Variants in MEIS2 observed in about 807,000 individuals in gnomAD.
The protein encoded by MEIS2 is Meis homeobox 2.
Under a neutral mutation model 58.6 loss-of-function variants are expected in MEIS2, and 9 were observed. That is an observed-to-expected ratio of 0.15 (90% CI 0.09 to 0.27). The LOEUF is 0.27. Ranked by LOEUF, MEIS2 falls within the 10% of genes least tolerant of loss-of-function variation. The pLI, the probability that MEIS2 is intolerant of heterozygous loss-of-function variation, is 1.00. For missense variants in MEIS2, 427 were observed against 635.0 expected, an observed-to-expected ratio of 0.67 and a Z score of 3.52; for synonymous variants, 221 against 228.4, an observed-to-expected ratio of 0.97 and a Z score of 0.29.
intron 8 of MEIS2, among the ~76,000 whole-genome samples, chr15:37,014,924 C>A (rs925085291): frequency 1.5e-4 from 23 of 151,354 alleles, no homozygotes; most frequent in Non-Finnish European, 3.1e-4. Flanking sequence ...AAAGGAAACA[C>A]AACTGTACCA....
chr15:37,094,432 C>G (rs1205846524), intron 5 of MEIS2, 95 bp downstream of exon 5: 1 of 1,209,064 alleles, frequency 8.3e-7, no homozygotes, highest in Non-Finnish European at 1.2e-6. Context: ...TCCAGGTGCT[C>G]AATCCCTCAC....
At chr15:37,019,708 G>A (rs895692577) in intron 8 of MEIS2, among the ~76,000 whole-genome samples, 4 of 152,116 alleles carry the variant, frequency 2.6e-5, no homozygotes, top group Admixed American at 6.5e-5. Flanking sequence ...ATGGTGAAAC[G>A]CAGGGCCCAA....
chr15:37,054,066 C>T (rs139291637), intron 7 of MEIS2, among the ~76,000 whole-genome samples: 220 of 152,306 alleles, frequency 1.4e-3, no homozygotes, highest in African/African-American at 4.8e-3. Flanking sequence ...TTACTTATGG[C>T]GTATGATAAT....
intron 4 of MEIS2, among the ~76,000 whole-genome samples, 156 bp downstream of exon 4, chr15:37,095,408 C>G (rs1298737981): frequency 6.6e-6 from 1 of 152,208 alleles, no homozygotes; most frequent in Non-Finnish European, 1.5e-5. Context: ...CGCCAGCTCC[C>G]GTGCGGGGGC....
chr15:37,059,595 A>G (rs973812339), intron 7 of MEIS2, among the ~76,000 whole-genome samples: 1 of 152,120 alleles, frequency 6.6e-6, no homozygotes, highest in Admixed American at 6.5e-5. Flanking sequence ...TTGCAGATAA[A>G]TAAAATTTTC....
At chr15:37,075,380 G>A (rs747394301) in intron 7 of MEIS2, among the ~76,000 whole-genome samples, 12 of 152,108 alleles carry the variant, frequency 7.9e-5, no homozygotes, top group Non-Finnish European at 1.6e-4. Flanking sequence ...AGTTTGAGCT[G>A]ATGGTCCATT....
At chr15:36,953,236 G>A (rs75459621) in intron 8 of MEIS2, among the ~76,000 whole-genome samples, 1 of 152,146 alleles carries the variant, frequency 6.6e-6, no homozygotes, top group Non-Finnish European at 1.5e-5. Context: ...TGTGGAACTA[G>A]AGTATTTCTA....
chr15:36,952,646 T>TGC (rs1555432957), intron 8 of MEIS2, among the ~76,000 whole-genome samples: 1 of 150,088 alleles, frequency 6.7e-6, no homozygotes. Context: ...TGTGTGTGTG[T>TGC]GTGCATGTGT....
chr15:36,944,218 T>G (rs533744853), intron 9 of MEIS2, among the ~76,000 whole-genome samples: 1 of 152,234 alleles, frequency 6.6e-6, no homozygotes, highest in Non-Finnish European at 1.5e-5. Context: ...GAAACCCACT[T>G]AAATTTCAGG....
At chr15:36,922,912 G>C (rs569480269) in intron 9 of MEIS2, among the ~76,000 whole-genome samples, 2 of 151,776 alleles carry the variant, frequency 1.3e-5, no homozygotes, top group South Asian at 2.1e-4. Flanking sequence ...CACCGCTCCC[G>C]GCCAAACATA....
At chr15:36,906,503 G>T (rs1220447101) in intron 9 of MEIS2, among the ~76,000 whole-genome samples, 1 of 152,094 alleles carries the variant, frequency 6.6e-6, no homozygotes, top group East Asian at 1.9e-4. Flanking sequence ...TTTATGTTTA[G>T]TATGTTACGG....
At chr15:37,006,635 T>G (rs1299657240) in intron 8 of MEIS2, among the ~76,000 whole-genome samples, 1 of 151,612 alleles carries the variant, frequency 6.6e-6, no homozygotes, top group Non-Finnish European at 1.5e-5. Flanking sequence ...CCAATGAAAT[T>G]TTTTCCTCAA....
intron 9 of MEIS2, among the ~76,000 whole-genome samples, chr15:36,908,444 C>T (rs2056846965): frequency 6.6e-6 from 1 of 152,088 alleles, no homozygotes; most frequent in South Asian, 2.1e-4. Flanking sequence ...AGACATCAAC[C>T]TTTGATTCTG....
At chr15:37,003,783 A>G (rs1421294244) in intron 8 of MEIS2, among the ~76,000 whole-genome samples, 1 of 152,208 alleles carries the variant, frequency 6.6e-6, no homozygotes, top group Non-Finnish European at 1.5e-5. Context: ...TGATTAGGTC[A>G]TGAGGATGGA....
chr15:37,015,327 C>T (rs2061312168), intron 8 of MEIS2, among the ~76,000 whole-genome samples: 8 of 152,204 alleles, frequency 5.3e-5, no homozygotes, highest in Admixed American at 5.2e-4. Context: ...TGCTGGCCCT[C>T]TAAACCCCTT....
Position 37,095,698 on chromosome 15 carries a change from C to T in MEIS2, c.388-84G>A, listed in dbSNP as rs769340511. 2.7e-4 allele frequency: 433 copies of T among 1,598,748 alleles called. 4 individuals carry two copies. In the South Asian group the frequency reaches 4.1e-3, roughly 15 times the overall value. On this transcript the variant is annotated intron_variant, in intron 3 of 11. Transcript: ENST00000561208. ...ATGTGAGAATGGGTACGGTGGAGGG[C>T]AATGGCGGAGAAGAGGAAAGGGGCT... is the stretch of plus-strand genomic sequence containing the variant.
chr15:36,923,235 G>A (rs1008254187), intron 9 of MEIS2, among the ~76,000 whole-genome samples: 1 of 152,112 alleles, frequency 6.6e-6, no homozygotes, highest in Non-Finnish European at 1.5e-5. Flanking sequence ...AGCAATGCAA[G>A]TATAGCAGTT....
At chr15:37,011,374 T>A (rs1476857510) in intron 8 of MEIS2, among the ~76,000 whole-genome samples, 1 of 152,192 alleles carries the variant, frequency 6.6e-6, no homozygotes, top group Non-Finnish European at 1.5e-5. Flanking sequence ...TCCAGGATAG[T>A]TAATTATACG....
chr15:36,898,619 C>A (rs2056307806), intron 9 of MEIS2: 2 of 151,470 alleles, frequency 1.3e-5, no homozygotes, highest in South Asian at 4.2e-4. Flanking sequence ...TTATTTATGT[C>A]TTTCTCTCCA....
Sources: gnomAD v4.1 joint callset for allele counts (sites outside exome capture counted in the v4.1 genomes callset) on GRCh38, gnomAD v4.1.1 for gene constraint, MANE v1.5 for transcripts, NCBI Gene and HGNC (gene_info 2026-07-23, HGNC 2026-07-21) for gene names.